Variants in SNRPN observed in about 807,000 individuals in gnomAD.
SNRPN encodes small nuclear ribonucleoprotein polypeptide N.
In SNRPN, 7 loss-of-function variants were observed where a neutral mutation model predicts 25.2. The observed-to-expected ratio is 0.28, with a 90% CI of 0.16 to 0.52. The LOEUF (loss-of-function observed/expected upper bound fraction) is 0.52, where lower values mean the gene tolerates loss of function less well. Ranked by LOEUF, SNRPN falls within the 20% of genes least tolerant of loss-of-function variation. SNRPN has a pLI of 0.96. For synonymous variants in SNRPN, 124 were observed against 110.6 expected, an observed-to-expected ratio of 1.12 and a Z score of -0.76; for missense variants, 196 against 322.5, an observed-to-expected ratio of 0.61 and a Z score of 3.00.
intron 1 of SNRPN, among the ~76,000 whole-genome samples, chr15:24,861,041 G>A (rs1425427584): frequency 6.6e-6 from 1 of 152,126 alleles, no homozygotes; most frequent in Non-Finnish European, 1.5e-5. Context: ...CCTGGGAGGT[G>A]GAGGTTGCAT....
chr15:24,916,865 A>G (rs753631707), intron 2 of SNRPN, among the ~76,000 whole-genome samples: 15 of 152,204 alleles, frequency 9.9e-5, no homozygotes, highest in Non-Finnish European at 1.5e-4. Context: ...CACAGACCCA[A>G]GGAGTGAGCC....
chr15:24,975,546 A>G, intron 5 of SNRPN, 37 bp downstream of exon 5: 1 of 1,587,414 alleles, frequency 6.3e-7, no homozygotes, highest in Non-Finnish European at 8.6e-7. Flanking sequence ...TTGGACACAG[A>G]GGCAGTGGGA....
rs1047033223 is a variant in SNRPN at position 24,848,898 on chromosome 15, T to A, written c.-579+18993T>A. On this transcript the variant is annotated intron_variant, in intron 2 of 12. Coordinates refer to the SNRPN transcript ENST00000400100. ...GTTTCACTACTACGTGTTTTTTTTT[T>A]AATTTTTATTTTATTTTATTTTATT... 17 of 152,192 alleles carry A rather than the reference T, an allele frequency of 1.1e-4. No homozygotes were observed. In the East Asian group the frequency reaches 1.5e-3, roughly 14 times the overall value. 9.4% of individuals were successfully genotyped at this position (152,192 alleles called of 1,614,324 possible). A position where few individuals can be genotyped will look rare whatever the true frequency, so the allele number is the denominator to read the frequency against.
chr15:24,858,770 C>T (rs1042809916), intron 1 of SNRPN, among the ~76,000 whole-genome samples: 2 of 152,116 alleles, frequency 1.3e-5, no homozygotes, highest in African/African-American at 4.8e-5. Flanking sequence ...CACTGCACTC[C>T]AGTCTGGGTG....
At chr15:24,849,237 A>G (rs1440773348) in intron 2 of SNRPN, 5 of 152,274 alleles carry the variant, frequency 3.3e-5, no homozygotes, top group Non-Finnish European at 5.9e-5. Context: ...GGCCTCTACT[A>G]TGTTTTAAAA....
At chr15:24,952,612 T>G (rs142326615), upstream of SNRPN, among the ~76,000 whole-genome samples, 668 of 151,796 alleles carry the variant, frequency 4.4e-3, 6 homozygotes, top group Non-Finnish European at 5.6e-3. Flanking sequence ...CCTAATGGAG[T>G]AGAACAAACA....
At chr15:24,910,740 A>T (rs561776567) in intron 2 of SNRPN, 4 of 250,652 alleles carry the variant, frequency 1.6e-5, no homozygotes, top group African/African-American at 2.3e-5. Flanking sequence ...TGTTCCACCC[A>T]CCTCAGCCTC....
In SNRPN at chr15:24,874,309, CAAAAAAAAAA is replaced by C. The variant is rs199834006; in HGVS notation, c.-578-12192_-578-12183del. The stretch of plus-strand genomic sequence containing the variant: ...TGGGTGACAGAGTGAGACTCTGTCT[CAAAAAAAAAA>C]AAAAAAAAAAAAAAGGCAGAGTGGC... On this transcript the variant is annotated intron_variant, in intron 1 of 11. Coordinates refer to the SNRPN transcript ENST00000400097. Among the ~76,000 whole-genome samples, 76 of 61,430 alleles carry C rather than the reference CAAAAAAAAAA, an allele frequency of 1.2e-3. 1 individual carries two copies. The highest frequency in any genetic ancestry group is 3.1e-3 in the South Asian group (4 of 1,276). 40.3% of individuals were successfully genotyped at this position (61,430 alleles called of 152,430 possible). A position where few individuals can be genotyped will look rare whatever the true frequency, so the allele number is the denominator to read the frequency against.
chr15:24,846,542 C>A (rs919299652), intron 2 of SNRPN, among the ~76,000 whole-genome samples: 1 of 152,210 alleles, frequency 6.6e-6, no homozygotes, highest in Non-Finnish European at 1.5e-5. Flanking sequence ...CATGGGCATA[C>A]AAACCAAATT....
At chr15:24,844,603 C>T (rs968368384) in intron 2 of SNRPN, among the ~76,000 whole-genome samples, 7 of 152,068 alleles carry the variant, frequency 4.6e-5, no homozygotes, top group Non-Finnish European at 1.0e-4. Context: ...TGGCTCACTG[C>T]AACTTCCGCC....
At chr15:24,928,247 A>G (rs2060547090) in intron 3 of SNRPN, among the ~76,000 whole-genome samples, 1 of 152,144 alleles carries the variant, frequency 6.6e-6, no homozygotes, top group African/African-American at 2.4e-5. Flanking sequence ...CCAAAGTTAA[A>G]TCAGTGTATT....
At position 24,834,751 on chromosome 15, in the gene SNRPN, C is replaced by CTCTCTCTCTCTA; in HGVS notation, c.-579+4847_-579+4848insCTCTCTCTCTAT. Among the ~76,000 whole-genome samples the CTCTCTCTCTCTA allele has an allele frequency of 5.1e-3, 313 of 60,924 alleles. 3 individuals carry two copies. The highest frequency in any genetic ancestry group is 0.015 in the Middle Eastern group (2 of 132). 40.0% of individuals were successfully genotyped at this position (60,924 alleles called of 152,430 possible). ...TCCCTCTCTCTCTCTCTCTCTCTCT[C>CTCTCTCTCTCTA]TATATATATATATATATATATATAT... On this transcript the variant is annotated intron_variant, in intron 2 of 12. Transcript: ENST00000400100.
upstream of SNRPN, chr15:24,954,929 G>C: frequency 6.9e-7 from 1 of 1,442,434 alleles, no homozygotes; most frequent in South Asian, 1.2e-5. Flanking sequence ...AGGCAGGCTG[G>C]CGCGCATGCT....
intron 3 of SNRPN, among the ~76,000 whole-genome samples, chr15:24,921,518 C>G (rs1057345778): frequency 2.6e-5 from 4 of 152,094 alleles, no homozygotes; most frequent in Non-Finnish European, 1.5e-5. Flanking sequence ...AGTTGTAATC[C>G]AGGCAATATG....
At chr15:24,896,518 G>T (rs571191102) in intron 2 of SNRPN, among the ~76,000 whole-genome samples, 4 of 151,408 alleles carry the variant, frequency 2.6e-5, no homozygotes, top group African/African-American at 9.8e-5. Context: ...AGACCCCCCC[G>T]CCGGCTAACA....
intron 1 of SNRPN, among the ~76,000 whole-genome samples, chr15:24,958,574 C>CAA (rs1316190015): frequency 1.5e-5 from 2 of 137,670 alleles, no homozygotes; most frequent in Admixed American, 1.6e-4. Flanking sequence ...CTGCTAGACT[C>CAA]AAGCTATATC....
chr15:24,826,467 C>T (rs11853242), intron 1 of SNRPN, among the ~76,000 whole-genome samples: 2,738 of 152,178 alleles, frequency 0.018, 102 homozygotes, highest in African/African-American at 0.063. Context: ...CATCATTCCA[C>T]GTAATTTACC....
At chr15:24,962,386 A>T (rs181548004) in intron 2 of SNRPN, among the ~76,000 whole-genome samples, 177 bp downstream of exon 2, 8 of 152,268 alleles carry the variant, frequency 5.3e-5, no homozygotes, top group South Asian at 4.1e-4. Flanking sequence ...AAAATAATTC[A>T]CCCTCTTAAA....
chr15:24,967,980 G>A lies in SNRPN; in HGVS notation c.-246G>A. ...CTCAGCAGCAGCAAGTACCTGTGGT[G>A]GATTTCCAGGCTGAACTGAGGCAGG... On this transcript the variant is annotated 5_prime_UTR_variant, in exon 3 of 10. Coordinates refer to ENST00000390687, the MANE Select transcript of SNRPN (RefSeq NM_003097.6). The A allele has an allele frequency of 6.2e-7, 1 of 1,614,114 alleles. No homozygotes were observed. Among genetic ancestry groups the A allele is most frequent in the Non-Finnish European group, 8.5e-7 (1 of 1,180,016 alleles).
Sources: allele counts gnomAD v4.1 joint callset (sites outside exome capture counted in the v4.1 genomes callset), GRCh38; gene constraint gnomAD v4.1.1; transcripts MANE v1.5; gene names NCBI Gene and HGNC (gene_info 2026-07-23, HGNC 2026-07-21).